HDAC9: variants seen among roughly 807,000 people sequenced by gnomAD.
The protein encoded by HDAC9 is MEF-2 interacting transcription repressor (MITR) protein.
A neutral mutation model predicts 139.4 loss-of-function variants in HDAC9; 41 were observed. The ratio of observed to expected loss-of-function variants is 0.29; its 90% confidence interval spans 0.23 to 0.38. HDAC9 has a LOEUF of 0.38. HDAC9 is among the 10% of genes least tolerant of loss of function. The pLI is 1.00. For missense variants in HDAC9, 1,147 were observed against 1,297.0 expected, an observed-to-expected ratio of 0.88 and a Z score of 1.78; for synonymous variants, 517 against 476.2, an observed-to-expected ratio of 1.09 and a Z score of -1.12.
chr7:18,362,510 G>C (rs776565407), intron 1 of HDAC9, among the ~76,000 whole-genome samples: 2 of 152,036 alleles, frequency 1.3e-5, no homozygotes, highest in Non-Finnish European at 2.9e-5. Context: ...AAATAAATAG[G>C]TATATGGTAT....
chr7:18,114,908 T>A (rs1783866394), intron 1 of HDAC9, among the ~76,000 whole-genome samples: 1 of 152,214 alleles, frequency 6.6e-6, no homozygotes, highest in African/African-American at 2.4e-5. Flanking sequence ...CTAAAAAATA[T>A]TAGAAACGAG....
intron 22 of HDAC9, among the ~76,000 whole-genome samples, chr7:18,879,626 T>C (rs941003890): frequency 6.6e-6 from 1 of 152,182 alleles, no homozygotes; most frequent in Non-Finnish European, 1.5e-5. Context: ...AGACTGAAGC[T>C]GGACCCCTTC....
At chr7:18,164,533 A>G (rs1418688580) in intron 2 of HDAC9, among the ~76,000 whole-genome samples, 1 of 152,190 alleles carries the variant, frequency 6.6e-6, no homozygotes, top group African/African-American at 2.4e-5. Context: ...AAATAGACTC[A>G]CTTCAGTAGT....
At position 18,996,863 on chromosome 7, in the gene HDAC9, G is replaced by T. The variant is rs1786495148; in HGVS notation, c.*801G>T. 6.6e-6 allele frequency: 1 copy of T among 152,140 alleles called. No individual in the cohort carries two copies. Among genetic ancestry groups the T allele is most frequent in the African/African-American group, 2.4e-5 (1 of 41,406 alleles). 9.4% of individuals were successfully genotyped at this position (152,140 alleles called of 1,614,324 possible). On this transcript the variant is annotated 3_prime_UTR_variant, in exon 26 of 26. Transcript: ENST00000686413. ...CCTCCCAGCCACACACACATCCTTT[G>T]TTCTCATGACAGTAGGTCTGAGCAA...
chr7:18,291,502 A>G lies in HDAC9; in HGVS notation c.-42+987A>G, dbSNP rs539930526. Among the ~76,000 whole-genome samples the G allele has an allele frequency of 1.1e-4, 17 of 152,246 alleles. 1 individual carries two copies. The South Asian group carries it at 3.3e-3, about 30-fold the overall frequency. ...CAAGACTCAGAAAATTGCTGGGAAC[A>G]TAGAGTGCTCACTGTTTGTTAGCCC... On this transcript the variant is annotated intron_variant, in intron 1 of 3. Transcript: ENST00000413509.
intron 5 of HDAC9, among the ~76,000 whole-genome samples, chr7:18,593,641 C>G (rs1467379560): frequency 6.6e-6 from 1 of 152,120 alleles, no homozygotes; most frequent in Non-Finnish European, 1.5e-5. Flanking sequence ...GTCAAAAGCT[C>G]AGACTCTTGG....
intron 1 of HDAC9, among the ~76,000 whole-genome samples, chr7:18,131,083 A>G (rs1333679176): frequency 1.3e-5 from 2 of 152,160 alleles, no homozygotes; most frequent in African/African-American, 4.8e-5. Flanking sequence ...TAAAAGAATT[A>G]GGAATCCAAA....
chr7:18,887,592 A>G (rs566996078), intron 22 of HDAC9, among the ~76,000 whole-genome samples: 1 of 152,292 alleles, frequency 6.6e-6, no homozygotes, highest in African/African-American at 2.4e-5. Context: ...ACATATAATA[A>G]CGTATAAATG....
chr7:18,189,348 G>T (rs994831604), intron 2 of HDAC9, among the ~76,000 whole-genome samples: 2 of 151,964 alleles, frequency 1.3e-5, no homozygotes, highest in Admixed American at 6.6e-5. Flanking sequence ...GTTGAGGGGT[G>T]GGGGGTGAGG....
intron 25 of HDAC9, among the ~76,000 whole-genome samples, chr7:18,992,547 GAATTA>G (rs1455616120): frequency 3.9e-5 from 6 of 152,070 alleles, no homozygotes; most frequent in African/African-American, 4.8e-5. Flanking sequence ...TAAGAAATAA[GAATTA>G]AATTAAATCA....
rs552203096 is a variant in HDAC9, at chr7:18,509,390, G to A, written c.22+13066G>A. On this transcript the variant is annotated intron_variant, in intron 2 of 25. Transcript: ENST00000686413. ...CTCTAGCCTCAAGAAGACTGAGACC[G>A]AGCCAAACTCCTGGCCAACGTGCTT... 4.4e-5 allele frequency: 43 copies of A among 985,422 alleles called. No homozygotes were observed. The South Asian group carries it at 7.5e-4, about 17-fold the overall frequency. The allele number at this position is 985,422 out of a possible 1,614,324, so 61.0% of individuals were successfully genotyped here. A position where few individuals can be genotyped will look rare whatever the true frequency, so the allele number is the denominator to read the frequency against.
chr7:18,507,841 A>G (rs1222690847), intron 2 of HDAC9, among the ~76,000 whole-genome samples: 1 of 152,252 alleles, frequency 6.6e-6, no homozygotes, highest in Non-Finnish European at 1.5e-5. Flanking sequence ...AATAGGAAAC[A>G]CACAGTAATT....
At chr7:18,501,508 C>A (rs1462965861) in intron 2 of HDAC9, among the ~76,000 whole-genome samples, 1 of 152,068 alleles carries the variant, frequency 6.6e-6, no homozygotes, top group African/African-American at 2.4e-5. Context: ...TTTATAGTTC[C>A]TTCAACTGCA....
At chr7:18,467,283 C>T (rs1794358729) in intron 1 of HDAC9, among the ~76,000 whole-genome samples, 1 of 152,198 alleles carries the variant, frequency 6.6e-6, no homozygotes, top group South Asian at 2.1e-4. Context: ...CCCTCTCCCT[C>T]ATACCCTACC....
At chr7:18,302,223 CTTAA>C (rs1458753546) in intron 1 of HDAC9, among the ~76,000 whole-genome samples, 3 of 152,170 alleles carry the variant, frequency 2.0e-5, no homozygotes, top group African/African-American at 7.2e-5. Flanking sequence ...ATCTTACACA[CTTAA>C]TTGACACTTG....
At chr7:18,709,895 G>A (rs1268994158) in intron 12 of HDAC9, among the ~76,000 whole-genome samples, 1 of 152,092 alleles carries the variant, frequency 6.6e-6, no homozygotes, top group East Asian at 1.9e-4. Context: ...TTCTGCCAGG[G>A]TCCTCCTACA....
chr7:18,976,047 TCTC>T, intron 25 of HDAC9, 94 bp downstream of exon 25: 1 of 1,285,800 alleles, frequency 7.8e-7, no homozygotes, highest in South Asian at 1.4e-5. Flanking sequence ...CCTTCACCTG[TCTC>T]CTCCACTTCC....
intron 2 of HDAC9, among the ~76,000 whole-genome samples, chr7:18,261,158 A>G (rs201226925): frequency 6.8e-6 from 1 of 146,430 alleles, no homozygotes; most frequent in Non-Finnish European, 1.5e-5. Flanking sequence ...AAAAAAAAAA[A>G]TTGGGTGTGC....
At chr7:18,588,533 A>G (rs768322973) in intron 3 of HDAC9, among the ~76,000 whole-genome samples, 1 of 152,288 alleles carries the variant, frequency 6.6e-6, no homozygotes, top group East Asian at 1.9e-4. Context: ...TTGTGCTTCA[A>G]ACAAAGTTTG....
Sources: gnomAD v4.1 joint callset for allele counts (sites outside exome capture counted in the v4.1 genomes callset) on GRCh38, gnomAD v4.1.1 for gene constraint, MANE v1.5 for transcripts, NCBI Gene and HGNC (gene_info 2026-07-23, HGNC 2026-07-21) for gene names.